The following C8orf74 variants were observed in gnomAD, a reference collection of about 807,000 sequenced individuals.
C8orf74 encodes uncharacterized protein C8orf74.
In C8orf74, 29 loss-of-function variants were observed where a neutral mutation model predicts 22.2. The ratio of observed to expected loss-of-function variants is 1.31; its 90% CI spans 0.97 to 1.78. The LOEUF is 1.78. C8orf74 is among the 40% of genes most tolerant of loss of function. The probability of loss-of-function intolerance (pLI) is 0.00; values close to 1 mark genes in which losing one functional copy is unlikely to be tolerated. For synonymous variants in C8orf74, 255 were observed against 163.1 expected, an observed-to-expected ratio of 1.56 and a Z score of -4.30; for missense variants, 515 against 369.9, an observed-to-expected ratio of 1.39 and a Z score of -3.22.
At chr8:10,696,441 C>CTTTTTTTTTTTTTT (rs546082377) in intron 2 of C8orf74, among the ~76,000 whole-genome samples, 24 of 102,436 alleles carry the variant, frequency 2.3e-4, no homozygotes, top group Non-Finnish European at 3.2e-4. Context: ...CTTTTCTTTT[C>CTTTTTTTTTTTTTT]TTTTTTTTTT....
At chr8:10,683,202 G>A (rs1799189026) in intron 2 of C8orf74, among the ~76,000 whole-genome samples, 1 of 152,250 alleles carries the variant, frequency 6.6e-6, no homozygotes. Flanking sequence ...TCCTAACTGG[G>A]TCACCCAGAG....
At chr8:10,691,034 C>T in intron 2 of C8orf74, 1 of 429,974 alleles carries the variant, frequency 2.3e-6, no homozygotes, top group Non-Finnish European at 4.8e-6. Flanking sequence ...TTCTGAGTCA[C>T]CAGGAACTTC....
chr8:10,687,031 T>C (rs1424025491), intron 2 of C8orf74: 1 of 449,438 alleles, frequency 2.2e-6, no homozygotes, highest in South Asian at 1.6e-5. Context: ...AGAAATCCAG[T>C]CTCCAGGGTT....
chr8:10,684,312 C>T (rs1486939822), intron 2 of C8orf74, among the ~76,000 whole-genome samples: 1 of 152,230 alleles, frequency 6.6e-6, no homozygotes, highest in Non-Finnish European at 1.5e-5. Context: ...AGCTCTTTCA[C>T]ATGAATCATT....
chr8:10,673,336 G>A (rs1367827682), intron 1 of C8orf74, among the ~76,000 whole-genome samples: 1 of 152,072 alleles, frequency 6.6e-6, no homozygotes, highest in African/African-American at 2.4e-5. Context: ...TTTCCAGAAG[G>A]GCCAGCTGAA....
At chr8:10,699,643 G>A (rs890008546) in intron 3 of C8orf74, among the ~76,000 whole-genome samples, 10 of 152,148 alleles carry the variant, frequency 6.6e-5, no homozygotes, top group African/African-American at 2.4e-4. Flanking sequence ...ATGATGGGTG[G>A]ACAGTGGCTG....
chr8:10,691,051 C>A (rs1031531040), intron 2 of C8orf74: 1 of 416,280 alleles, frequency 2.4e-6, no homozygotes, highest in African/African-American at 2.0e-5. Flanking sequence ...CTTCTCAACC[C>A]GAGGCCCAGG....
intron 3 of C8orf74, among the ~76,000 whole-genome samples, chr8:10,699,678 C>T (rs958067036): frequency 6.6e-6 from 1 of 152,182 alleles, no homozygotes; most frequent in African/African-American, 2.4e-5. Flanking sequence ...CTATGGCTGG[C>T]TGGGTGGAGG....
At position 10,697,702 on chromosome 8, in the gene C8orf74, C is replaced by G; in HGVS notation, c.345C>G (p.His115Gln). ...TGCTGGCCCTCTGTGACTACTTCCA[C>G]CACACCTTCATCCGCCACTACAAAC... ...THLLALCDYF[H>Q]HTFIRHYKLY... The change falls in exon 3 of 4, where the codon CAC becomes CAG. Residue 115 changes from histidine (H) to glutamine (Q), a missense_variant. His to Gln is a conservative substitution (Grantham distance 24, BLOSUM62 0). Transcript: ENST00000304519. The G allele has an allele frequency of 6.2e-7, 1 of 1,614,022 alleles. No homozygotes were observed. Among genetic ancestry groups the G allele is most frequent in the Non-Finnish European group, 8.5e-7 (1 of 1,179,898 alleles).
intron 3 of C8orf74, among the ~76,000 whole-genome samples, chr8:10,699,993 C>G (rs1232110068): frequency 6.6e-6 from 1 of 152,230 alleles, no homozygotes; most frequent in Non-Finnish European, 1.5e-5. Context: ...TACCCATAGT[C>G]CGTGGCCATG....
At chr8:10,697,443 C>T (rs1017559868) in intron 2 of C8orf74, among the ~76,000 whole-genome samples, 156 bp from the exon 3 acceptor site, 3 of 151,866 alleles carry the variant, frequency 2.0e-5, no homozygotes, top group Non-Finnish European at 2.9e-5. Flanking sequence ...AGTTAGACCC[C>T]GTCTCAAAAA....
chr8:10,689,599 A>G (rs1799331501), intron 2 of C8orf74: 2 of 152,196 alleles, frequency 1.3e-5, no homozygotes, highest in African/African-American at 4.8e-5. Flanking sequence ...GTGCGGTTGA[A>G]AACCCATGTG....
intron 2 of C8orf74, among the ~76,000 whole-genome samples, chr8:10,678,307 A>C (rs1240041007): frequency 6.6e-6 from 1 of 152,228 alleles, no homozygotes; most frequent in Non-Finnish European, 1.5e-5. Context: ...GAAGGATCAA[A>C]TGAGGCTGTG....
rs1363350547 is a variant in C8orf74 at position 10,700,557 on chromosome 8, G to C, written c.*86G>C. The C allele has an allele frequency of 2.5e-6, 2 of 787,030 alleles. No individual in the cohort carries two copies. The highest frequency in any genetic ancestry group is 4.0e-6 in the Non-Finnish European group (2 of 502,102). 48.8% of individuals were successfully genotyped at this position (787,030 alleles called of 1,614,324 possible). On this transcript the variant is annotated 3_prime_UTR_variant, in exon 4 of 4. Coordinates refer to ENST00000304519, the MANE Select transcript of C8orf74 (RefSeq NM_001040032.2). ...CGGCACGGTGAGCTCAGCACCCACA[G>C]AGAGACTTCTTGTGATTAAAAGAAA... is the stretch of plus-strand genomic sequence containing the variant.
chr8:10,686,297 C>T (rs757477426), intron 2 of C8orf74, among the ~76,000 whole-genome samples: 1 of 152,200 alleles, frequency 6.6e-6, no homozygotes, highest in African/African-American at 2.4e-5. Context: ...AGGCAAGCCA[C>T]ATGCATGCTC....
chr8:10,683,119 T>G (rs1337995414), intron 2 of C8orf74, among the ~76,000 whole-genome samples: 1 of 152,188 alleles, frequency 6.6e-6, no homozygotes, highest in Non-Finnish European at 1.5e-5. Context: ...GAGACCCCCA[T>G]GGCGAGTGGG....
chr8:10,698,451 T>G (rs773744256), intron 3 of C8orf74, among the ~76,000 whole-genome samples: 1 of 151,752 alleles, frequency 6.6e-6, no homozygotes, highest in Non-Finnish European at 1.5e-5. Context: ...GGGGACAGCT[T>G]GGGGAGGGTC....
At chr8:10,691,133 C>A (rs1293330393) in intron 2 of C8orf74, 1 of 355,988 alleles carries the variant, frequency 2.8e-6, no homozygotes, top group Non-Finnish European at 5.6e-6. Context: ...AACCCAGAAC[C>A]AGCCAAGAGT....
intron 2 of C8orf74, among the ~76,000 whole-genome samples, chr8:10,683,721 G>A (rs1799200641): frequency 6.6e-6 from 1 of 152,162 alleles, no homozygotes; most frequent in African/African-American, 2.4e-5. Context: ...GAGCCCCAGA[G>A]GTCACTGGAT....
Sources: gnomAD v4.1 joint callset for allele counts (sites outside exome capture counted in the v4.1 genomes callset) on GRCh38, gnomAD v4.1.1 for gene constraint, MANE v1.5 for transcripts, NCBI Gene and HGNC (gene_info 2026-07-23, HGNC 2026-07-21) for gene names.